Variants in LITAF observed in about 807,000 individuals in gnomAD.
The protein encoded by LITAF is lipopolysaccharide induced TNF factor.
LITAF carries 9 observed loss-of-function variants against 14.5 expected under a neutral mutation model. The ratio of observed to expected loss-of-function variants is 0.62; its 90% confidence interval spans 0.37 to 1.08. The LOEUF is 1.08. LITAF is among the 50% of genes least tolerant of loss of function. The pLI, the probability that LITAF is intolerant of heterozygous loss-of-function variation, is 0.01. For synonymous variants in LITAF, 98 were observed against 88.2 expected (o/e 1.11, Z -0.62); for missense variants, 206 against 213.4 (o/e 0.97, Z 0.22).
At chr16:11,608,208 G>C (rs2064964358) in intron 3 of LITAF, among the ~76,000 whole-genome samples, 2 of 152,216 alleles carry the variant, frequency 1.3e-5, no homozygotes, top group Non-Finnish European at 2.9e-5. Flanking sequence ...AGCTGAGCGA[G>C]TGGCCCAAGA....
intron 3 of LITAF, among the ~76,000 whole-genome samples, chr16:11,615,780 C>G (rs12444220): frequency 0.031 from 4,733 of 152,316 alleles, 113 homozygotes; most frequent in Non-Finnish European, 0.047. Context: ...GTTCCTGGCA[C>G]AGAGCTGCCA....
chr16:11,551,299 G>T (rs1346669283), intron 3 of LITAF, among the ~76,000 whole-genome samples: 1 of 152,150 alleles, frequency 6.6e-6, no homozygotes, highest in African/African-American at 2.4e-5. Flanking sequence ...GTGCAGGCAC[G>T]GCTCCAGGCA....
upstream of LITAF, chr16:11,587,497 G>A (rs1238192419): frequency 4.4e-6 from 2 of 453,232 alleles, no homozygotes; most frequent in South Asian, 1.6e-5. Context: ...TGCAAAATGG[G>A]CACAATAGCG....
chr16:11,571,243 T>A (rs1302129725), intron 1 of LITAF, among the ~76,000 whole-genome samples: 1 of 152,104 alleles, frequency 6.6e-6, no homozygotes, highest in African/African-American at 2.4e-5. Flanking sequence ...AATTTTTGTA[T>A]TTTAGTAGAG....
chr16:11,603,279 T>C (rs964653323), upstream of LITAF, among the ~76,000 whole-genome samples: 2 of 152,194 alleles, frequency 1.3e-5, no homozygotes, highest in Non-Finnish European at 2.9e-5. Flanking sequence ...TAAAGACCTT[T>C]AACAATCTTT....
At chr16:11,610,314 T>C (rs562979299) in intron 3 of LITAF, among the ~76,000 whole-genome samples, 1 of 152,322 alleles carries the variant, frequency 6.6e-6, no homozygotes, top group East Asian at 1.9e-4. Context: ...AGGCCAAGAA[T>C]GTCCGGCAAG....
chr16:11,582,555 G>A (rs1472274682), intron 1 of LITAF, among the ~76,000 whole-genome samples: 1 of 152,082 alleles, frequency 6.6e-6, no homozygotes, highest in Non-Finnish European at 1.5e-5. Flanking sequence ...ATTCTACTCT[G>A]GTCTCCATCT....
rs1255408543 is a variant in LITAF at position 11,632,593 on chromosome 16, C to T, written c.85+940G>A. ...GCTCTTTGGCCTGCGCTCCCTGGCA[C>T]GTGGGATCCCTTGGCCCCATCTGGA... On this transcript the variant is annotated intron_variant, in intron 3 of 3. Transcript: ENST00000574848. This position sits in a 1 kb window ranked among gnomAD's most constrained non-coding sequence, Gnocchi z 4.8. Among the ~76,000 whole-genome samples, 2 of 152,214 alleles carry T rather than the reference C, an allele frequency of 1.3e-5. No homozygotes were observed. Among genetic ancestry groups the T allele is most frequent in the African/African-American group, 4.8e-5 (2 of 41,452 alleles).
At chr16:11,560,912 A>G (rs536985163) in intron 1 of LITAF, among the ~76,000 whole-genome samples, 1 of 152,220 alleles carries the variant, frequency 6.6e-6, no homozygotes, top group Non-Finnish European at 1.5e-5. Context: ...GTACAGGAAC[A>G]GAAATGCAGC....
At chr16:11,600,214 G>T, upstream of LITAF, among the ~76,000 whole-genome samples, 1 of 152,142 alleles carries the variant, frequency 6.6e-6, no homozygotes, top group East Asian at 1.9e-4. This position sits in a 1 kb window ranked among gnomAD's most constrained non-coding sequence, Gnocchi z 4.1. Flanking sequence ...GTGTTGCCCA[G>T]GCTGGTCTGG....
chr16:11,622,458 G>C (rs967827134), intron 3 of LITAF, among the ~76,000 whole-genome samples: 2 of 152,216 alleles, frequency 1.3e-5, no homozygotes, highest in Non-Finnish European at 1.5e-5. Flanking sequence ...GCAATCACGG[G>C]AGAGCCACTT....
intron 1 of LITAF, among the ~76,000 whole-genome samples, chr16:11,577,004 G>A (rs1022582163): frequency 7.9e-5 from 12 of 152,138 alleles, no homozygotes; most frequent in East Asian, 7.7e-4. Context: ...CCTGTCAAGC[G>A]CTTTTCATGC....
intron 3 of LITAF, among the ~76,000 whole-genome samples, chr16:11,625,144 C>A (rs554106525): frequency 9.9e-4 from 150 of 152,098 alleles, no homozygotes; most frequent in Admixed American, 4.2e-3. Flanking sequence ...TAGAGATGAC[C>A]AAAAGAGGAA....
chr16:11,628,461 T>A (rs2141903303), intron 3 of LITAF, among the ~76,000 whole-genome samples: 1 of 152,282 alleles, frequency 6.6e-6, no homozygotes, highest in Admixed American at 6.5e-5. Context: ...AAGTATCCAA[T>A]GAAAGGGAAA....
At chr16:11,631,852 T>TC (rs2065119675) in intron 3 of LITAF, among the ~76,000 whole-genome samples, 1 of 140,724 alleles carries the variant, frequency 7.1e-6, no homozygotes, top group Non-Finnish European at 1.6e-5. Context: ...TCTTTTCTTT[T>TC]CTTTTTTTTT....
intron 1 of LITAF, among the ~76,000 whole-genome samples, chr16:11,573,064 G>A (rs1175701391): frequency 6.6e-6 from 1 of 151,930 alleles, no homozygotes; most frequent in African/African-American, 2.4e-5. Context: ...GAGTAGCTGG[G>A]ACTACAGGCG....
chr16:11,556,878 A>C, intron 1 of LITAF, 143 bp from the exon 2 acceptor site: 6 of 749,072 alleles, frequency 8.0e-6, no homozygotes, highest in Admixed American at 6.3e-5. Context: ...AGCTAGGAAG[A>C]GGGTTAATGT....
rs1418289834 is a variant in LITAF at position 11,634,425 on chromosome 16, G to C, written c.-20-788C>G. On this transcript the variant is annotated intron_variant, in intron 2 of 3. Coordinates refer to the LITAF transcript ENST00000574848. The surrounding 1 kb of genome is among the most constrained non-coding windows in gnomAD (Gnocchi z 4.1). Reference sequence around the variant, plus strand: ...CAGGTTACGAAGCTAAGGAATGAGAGAAAGCTAAATTCTGCTAAGGTGTAG... The same window carrying C: ...CAGGTTACGAAGCTAAGGAATGAGACAAAGCTAAATTCTGCTAAGGTGTAG... Among the ~76,000 whole-genome samples, 1 of 152,218 alleles carries C rather than the reference G, an allele frequency of 6.6e-6. No individual in the cohort carries two copies. Among genetic ancestry groups the C allele is most frequent in the Non-Finnish European group, 1.5e-5 (1 of 68,042 alleles).
upstream of LITAF, among the ~76,000 whole-genome samples, chr16:11,639,894 C>T (rs1567271640): frequency 6.6e-6 from 1 of 152,054 alleles, no homozygotes; most frequent in African/African-American, 2.4e-5. Flanking sequence ...ACCCTCTCAG[C>T]CCCCCAAGTA....
Sources: gnomAD v4.1 joint callset for allele counts (sites outside exome capture counted in the v4.1 genomes callset) on GRCh38, gnomAD v4.1.1 for gene constraint, Gnocchi (gnomAD v3.1) non-coding constraint, MANE v1.5 for transcripts, NCBI Gene and HGNC (gene_info 2026-07-23, HGNC 2026-07-21) for gene names.